Variants in RCBTB2 observed in about 807,000 individuals in gnomAD.
RCBTB2 encodes the protein RCC1 and BTB domain-containing protein 2.
A neutral mutation model predicts 65.4 loss-of-function variants in RCBTB2; 55 were observed. The ratio of observed to expected loss-of-function variants is 0.84; its 90% CI spans 0.68 to 1.05. The LOEUF (loss-of-function observed/expected upper bound fraction) is 1.05, where lower values mean the gene tolerates loss of function less well. RCBTB2 is among the 50% of genes least tolerant of loss of function. RCBTB2 has a pLI of 0.00. For synonymous variants in RCBTB2, 220 were observed against 255.2 expected, an observed-to-expected ratio of 0.86 and a Z score of 1.31; for missense variants, 599 against 680.1, an observed-to-expected ratio of 0.88 and a Z score of 1.33.
At position 48,496,004 on chromosome 13, in the gene RCBTB2, C is replaced by A. The variant is rs913574789; in HGVS notation, c.1515+187G>T. Among the ~76,000 whole-genome samples, 3 of 151,634 alleles carry A rather than the reference C, an allele frequency of 2.0e-5. No homozygotes were observed. Among genetic ancestry groups the A allele is most frequent in the Non-Finnish European group, 4.4e-5 (3 of 68,014 alleles). On this transcript the variant is annotated intron_variant, in intron 14 of 14. Coordinates refer to ENST00000344532, the MANE Select transcript of RCBTB2 (RefSeq NM_001268.4). ...AGCTATAAATCCTTTATGGCTTCTG[C>A]CTTTGATGTCCATCCCAACATTATA...
chr13:48,515,641 G>C lies in RCBTB2; in HGVS notation c.143C>G (p.Ala48Gly). ...ATTGCCAGCACTGCCAAAGACACAA[G>C]CCTGACGAATTAACTGTAGTTCTTC... ...SEEELQLIRQACVFGSAGNEV... is the reference protein window; with the variant it reads ...SEEELQLIRQGCVFGSAGNEV... Residue 48 changes from alanine to glycine, a missense_variant, in exon 5 of 15, where the codon GCT becomes GGT. Coordinates refer to ENST00000344532, the MANE Select transcript of RCBTB2 (RefSeq NM_001268.4). The C allele has an allele frequency of 6.2e-7, 1 of 1,613,876 alleles. No individual in the cohort carries two copies. Among genetic ancestry groups the C allele is most frequent in the African/African-American group, 1.3e-5 (1 of 74,980 alleles).
chr13:48,534,491 C>T (rs186671151), upstream of RCBTB2, among the ~76,000 whole-genome samples: 22 of 152,298 alleles, frequency 1.4e-4, no homozygotes, highest in Admixed American at 1.4e-3. Flanking sequence ...GTTTGCCTTG[C>T]GCACTTGGTC....
At chr13:48,534,362 T>G (rs1264684860), upstream of RCBTB2, among the ~76,000 whole-genome samples, 1 of 152,130 alleles carries the variant, frequency 6.6e-6, no homozygotes, top group Non-Finnish European at 1.5e-5. Flanking sequence ...TGCCAAGAGG[T>G]TTATCTTATT....
rs182354692 is a variant in RCBTB2, at chr13:48,500,707, T to A, written c.1245-947A>T. 5.9e-5 allele frequency among the ~76,000 whole-genome samples: 9 copies of A among 152,260 alleles called. No homozygotes were observed. The East Asian group carries it at 1.7e-3, about 29-fold the overall frequency. On this transcript the variant is annotated intron_variant, in intron 12 of 14. Transcript: ENST00000344532. ...AGCTAGGAAAGAGGCAGGAACAGAT[T>A]CTCACTCACAGCCTCACAAGAAACC... is the stretch of plus-strand genomic sequence containing the variant.
intron 14 of RCBTB2, among the ~76,000 whole-genome samples, chr13:48,494,416 C>G (rs1415661941): frequency 1.3e-5 from 2 of 152,126 alleles, no homozygotes; most frequent in Non-Finnish European, 2.9e-5. Flanking sequence ...GCTGGACAGG[C>G]TGTAGTACAA....
chr13:48,523,077 T>G (rs1310706127), intron 2 of RCBTB2, among the ~76,000 whole-genome samples: 1 of 152,228 alleles, frequency 6.6e-6, no homozygotes, highest in Non-Finnish European at 1.5e-5. Flanking sequence ...AAAAAAGATA[T>G]GCTTGCTTTT....
intron 14 of RCBTB2, among the ~76,000 whole-genome samples, chr13:48,494,034 C>A (rs1949866023): frequency 6.6e-6 from 1 of 152,154 alleles, no homozygotes. Flanking sequence ...AAAATGTGCC[C>A]AATCTTGGAC....
In RCBTB2 at chr13:48,523,915, T is replaced by C. The variant is rs143596230; in HGVS notation, c.-120+744A>G. ...CTGACATCAGGTTAAGACATAATTG[T>C]ATGTATGTCATGGAAATTACCACAT... On this transcript the variant is annotated intron_variant, in intron 2 of 14. Coordinates refer to ENST00000344532, the MANE Select transcript of RCBTB2 (RefSeq NM_001268.4). 4.3e-4 allele frequency among the ~76,000 whole-genome samples: 65 copies of C among 152,324 alleles called. No individual in the cohort carries two copies. In the Middle Eastern group the frequency reaches 0.01, roughly 24 times the overall value.
chr13:48,499,376 G>A (rs891298439), intron 13 of RCBTB2, among the ~76,000 whole-genome samples: 1 of 152,154 alleles, frequency 6.6e-6, no homozygotes, highest in Non-Finnish European at 1.5e-5. Context: ...CTCAGTCTCT[G>A]TCCCTTCCTC....
chr13:48,528,841 C>T (rs969434860), intron 1 of RCBTB2, among the ~76,000 whole-genome samples: 10 of 152,006 alleles, frequency 6.6e-5, no homozygotes, highest in Non-Finnish European at 7.4e-5. Context: ...ATAAACAGGA[C>T]GGACAAAACT....
chr13:48,497,269 A>G (rs1052444114), intron 13 of RCBTB2, among the ~76,000 whole-genome samples: 4 of 152,180 alleles, frequency 2.6e-5, no homozygotes, highest in Admixed American at 1.3e-4. Context: ...ATCCTCAGAC[A>G]CTTTCCTCAC....
intron 12 of RCBTB2, among the ~76,000 whole-genome samples, chr13:48,500,888 A>G (rs896928091): frequency 6.6e-6 from 1 of 152,248 alleles, no homozygotes; most frequent in African/African-American, 2.4e-5. Flanking sequence ...AACGCTGCAC[A>G]GCTTGATCTT....
chr13:48,504,443 T>C, intron 10 of RCBTB2: 1 of 514,568 alleles, frequency 1.9e-6, no homozygotes, highest in African/African-American at 2.1e-5. Flanking sequence ...CATACATGGT[T>C]GTTCAGGAAT....
chr13:48,490,662 A>C (rs1445846922), intron 14 of RCBTB2, among the ~76,000 whole-genome samples: 1 of 152,244 alleles, frequency 6.6e-6, no homozygotes, highest in African/African-American at 2.4e-5. Flanking sequence ...GTCTGCCTAT[A>C]AAGAGTTGAT....
At chr13:48,535,255 C>CTT (rs563743014), upstream of RCBTB2, among the ~76,000 whole-genome samples, 63 of 136,280 alleles carry the variant, frequency 4.6e-4, no homozygotes, top group Admixed American at 1.2e-3. Context: ...TATTCATCCT[C>CTT]TTTTTTTTTT....
intron 4 of RCBTB2, among the ~76,000 whole-genome samples, chr13:48,521,150 C>T (rs1951402540): frequency 6.6e-6 from 1 of 152,116 alleles, no homozygotes; most frequent in Non-Finnish European, 1.5e-5. Context: ...CTATACATTA[C>T]TTTTGTAAAC....
At chr13:48,533,185 C>T, upstream of RCBTB2, 6 of 363,802 alleles carry the variant, frequency 1.6e-5, no homozygotes, top group South Asian at 9.6e-5. Flanking sequence ...ACGAAGGGAG[C>T]GCAGACAAGA....
rs1247566582 is a variant in RCBTB2 at position 48,511,799 on chromosome 13, C to A, written c.754G>T (p.Ala252Ser). 14 of 1,614,170 alleles carry A rather than the reference C, an allele frequency of 8.7e-6. No individual in the cohort carries two copies. The highest frequency in any genetic ancestry group is 1.2e-5 in the Non-Finnish European group (14 of 1,180,026). The change falls in exon 9 of 15, where the codon GCA becomes TCA. Residue 252 changes from alanine (A) to serine (S), a missense_variant. Transcript: ENST00000344532. ...SGNQPTPCRV[A>S]ALQGIRVQRV... ...TGGACACGGATGCCTTGCAAAGCTG[C>A]CACTCTGCAAGGGGTTGGCTGGTTG...
intron 13 of RCBTB2, 100 bp downstream of exon 13, chr13:48,499,521 C>T: frequency 8.2e-7 from 1 of 1,218,932 alleles, no homozygotes; most frequent in Non-Finnish European, 1.2e-6. Context: ...AGAAATACTT[C>T]TGTAATTACC....
Sources: allele counts gnomAD v4.1 joint callset (sites outside exome capture counted in the v4.1 genomes callset), GRCh38; gene constraint gnomAD v4.1.1; transcripts MANE v1.5; gene names NCBI Gene and HGNC (gene_info 2026-07-23, HGNC 2026-07-21).